Variants in ABHD12B observed in about 807,000 individuals in gnomAD.
ABHD12B encodes abhydrolase domain containing 12B.
A neutral mutation model predicts 50.4 loss-of-function variants in ABHD12B; 42 were observed. That is an observed-to-expected ratio of 0.83 (90% confidence interval 0.65 to 1.08). The LOEUF is 1.08. Ranked by LOEUF, ABHD12B falls within the 50% of genes least tolerant of loss-of-function variation. The pLI, the probability that ABHD12B is intolerant of heterozygous loss-of-function variation, is 0.00. For synonymous variants in ABHD12B, 167 were observed against 160.3 expected, an observed-to-expected ratio of 1.04 and a Z score of -0.32; for missense variants, 479 against 447.7, an observed-to-expected ratio of 1.07 and a Z score of -0.63.
At chr14:50,899,821 C>G in intron 9 of ABHD12B, among the ~76,000 whole-genome samples, 1 of 151,452 alleles carries the variant, frequency 6.6e-6, no homozygotes, top group Non-Finnish European at 1.5e-5. Context: ...ACTTGGGTGG[C>G]TGAGGCAGGA....
chr14:50,892,730 A>AG, intron 9 of ABHD12B: 5 of 317,804 alleles, frequency 1.6e-5, no homozygotes, highest in Non-Finnish European at 2.3e-5. Context: ...ATAGTACTTA[A>AG]TACCATCTAA....
intron 9 of ABHD12B, among the ~76,000 whole-genome samples, chr14:50,901,494 T>G (rs1012977213): frequency 1.3e-5 from 2 of 149,436 alleles, no homozygotes; most frequent in African/African-American, 2.4e-5. Context: ...AAACCAGTTA[T>G]GTTCACAATA....
intron 12 of ABHD12B, 24 bp from the exon 13 acceptor site, chr14:50,904,315 C>G: frequency 6.2e-7 from 1 of 1,613,678 alleles, no homozygotes; most frequent in South Asian, 1.1e-5. Context: ...AGGGTGTGAG[C>G]TGATCTGGGT....
At chr14:50,896,699 G>A (rs2050204516) in intron 9 of ABHD12B, among the ~76,000 whole-genome samples, 1 of 151,408 alleles carries the variant, frequency 6.6e-6, no homozygotes, top group Admixed American at 6.6e-5. Flanking sequence ...CTGCCCACCA[G>A]AGAGCAACCC....
intron 9 of ABHD12B, chr14:50,893,591 C>G (rs1245075724): frequency 6.5e-6 from 1 of 154,372 alleles, no homozygotes; most frequent in Non-Finnish European, 1.4e-5. Context: ...TTGGTGGTCT[C>G]TTCACACGGA....
At chr14:50,900,398 T>C (rs1005830068) in intron 9 of ABHD12B, among the ~76,000 whole-genome samples, 3 of 152,218 alleles carry the variant, frequency 2.0e-5, no homozygotes, top group Admixed American at 6.5e-5. Context: ...TACCAGGAAC[T>C]TTTCTAGTTT....
intron 6 of ABHD12B, 24 bp from the exon 7 acceptor site, chr14:50,885,742 G>A (rs929905880): frequency 3.7e-6 from 6 of 1,614,190 alleles, no homozygotes; most frequent in Non-Finnish European, 5.1e-6. Context: ...CAGTGATACT[G>A]TGTTTGCCTT....
In ABHD12B at chr14:50,880,440, C is replaced by A. The variant is rs2049923044; in HGVS notation, c.336-12C>A. On this transcript the variant is annotated splice_polypyrimidine_tract_variant and intron_variant, in intron 3 of 12. Transcript: ENST00000337334. ...TCTTTCTACATTTGTTTAAACCTCCCTTGCTCTTCAGGCACACAGTCCCCA... is the reference window on the plus strand; with the variant it reads ...TCTTTCTACATTTGTTTAAACCTCCATTGCTCTTCAGGCACACAGTCCCCA... 2 of 1,592,484 alleles carry A rather than the reference C, an allele frequency of 1.3e-6. No individual in the cohort carries two copies. Among genetic ancestry groups the A allele is most frequent in the African/African-American group, 1.4e-5 (1 of 73,864 alleles).
intron 9 of ABHD12B, among the ~76,000 whole-genome samples, chr14:50,897,318 C>A (rs1237118506): frequency 6.6e-6 from 1 of 152,192 alleles, no homozygotes; most frequent in Non-Finnish European, 1.5e-5. Context: ...AGGTGATCCA[C>A]CTGCCTCAGC....
chr14:50,902,463 G>T (rs1959528), intron 10 of ABHD12B, among the ~76,000 whole-genome samples: 8,582 of 152,218 alleles, frequency 0.056, 420 homozygotes, highest in African/African-American at 0.12. Context: ...CAGCCTGTGT[G>T]ACAGAGTGAC....
At chr14:50,886,440 C>CAAAAAA (rs534954967) in intron 7 of ABHD12B, among the ~76,000 whole-genome samples, 1 of 62,968 alleles carries the variant, frequency 1.6e-5, no homozygotes, top group Non-Finnish European at 3.3e-5. Context: ...GCTCTGTCTC[C>CAAAAAA]AAAAAAAAAA....
intron 4 of ABHD12B, among the ~76,000 whole-genome samples, chr14:50,881,023 C>T (rs2049935280): frequency 6.6e-6 from 1 of 152,186 alleles, no homozygotes; most frequent in South Asian, 2.1e-4. Context: ...TAAGAGAGGT[C>T]ACACGGAATT....
chr14:50,898,762 T>C (rs2050227571), intron 9 of ABHD12B, among the ~76,000 whole-genome samples: 1 of 152,100 alleles, frequency 6.6e-6, no homozygotes, highest in African/African-American at 2.4e-5. Context: ...AAACAAGAAA[T>C]CTTGCCCTTA....
Position 50,888,912 on chromosome 14 carries a change from C to A in ABHD12B, c.780+9C>A. ...ATTATCCCTTGTTAAAGGTGAGACT[C>A]TGATTCATCTTTACAAGGGATCAAA... On this transcript the variant is annotated intron_variant, in intron 9 of 12. Coordinates refer to ENST00000337334, the MANE Select transcript of ABHD12B (RefSeq NM_001206673.2). 1.2e-6 allele frequency: 2 copies of A among 1,611,972 alleles called. No homozygotes were observed. Among genetic ancestry groups the A allele is most frequent in the Non-Finnish European group, 1.7e-6 (2 of 1,178,184 alleles).
chr14:50,891,367 C>G (rs933613448), intron 9 of ABHD12B: 1 of 152,122 alleles, frequency 6.6e-6, no homozygotes, highest in African/African-American at 2.4e-5. Context: ...CTCAGCCTCC[C>G]GAGTAGCTGG....
rs76391304 is a variant in ABHD12B, at chr14:50,878,881, T to C, written c.335+34T>C. 14,490 of 1,562,240 alleles carry C rather than the reference T, an allele frequency of 9.3e-3. 80 individuals are homozygous for C. The highest frequency in any genetic ancestry group is 0.011 in the Non-Finnish European group (12,321 of 1,133,238). On this transcript the variant is annotated intron_variant, in intron 3 of 12. Transcript: ENST00000337334. ...ACGGATGGGACACCGGGTTGCTTGA[T>C]GGGGCAGGTGTTCCTGTTAGGACTC...
intron 9 of ABHD12B, among the ~76,000 whole-genome samples, chr14:50,894,302 T>C (rs113951863): frequency 0.039 from 5,969 of 151,612 alleles, 357 homozygotes; most frequent in African/African-American, 0.13. Context: ...CGCTTATTTC[T>C]GCACCCTGAC....
intron 5 of ABHD12B, among the ~76,000 whole-genome samples, chr14:50,885,274 T>C (rs916393879): frequency 2.0e-5 from 3 of 152,198 alleles, no homozygotes; most frequent in African/African-American, 7.2e-5. Context: ...GCTTTGAACA[T>C]ACAGATACCT....
intron 1 of ABHD12B, among the ~76,000 whole-genome samples, chr14:50,875,800 A>C (rs141520713): frequency 2.1e-4 from 32 of 152,316 alleles, no homozygotes; most frequent in Admixed American, 3.3e-4. Context: ...GCCTCGAGCT[A>C]TTTGAGAGAA....
Sources: gnomAD v4.1 joint callset for allele counts (sites outside exome capture counted in the v4.1 genomes callset) on GRCh38, gnomAD v4.1.1 for gene constraint, MANE v1.5 for transcripts, NCBI Gene and HGNC (gene_info 2026-07-23, HGNC 2026-07-21) for gene names.